The following MYL4 variants were observed in gnomAD, a reference collection of about 807,000 sequenced individuals.
The protein encoded by MYL4 is myosin light chain 4.
MYL4 carries 16 observed loss-of-function variants against 21.6 expected under a neutral mutation model. The observed-to-expected ratio is 0.74, with a 90% CI of 0.50 to 1.12. MYL4 has a LOEUF of 1.12. MYL4 is among the 50% of genes most tolerant of loss of function. The probability of loss-of-function intolerance (pLI) is 0.00; values close to 1 mark genes in which losing one functional copy is unlikely to be tolerated. For synonymous variants in MYL4, 82 were observed against 95.7 expected (o/e 0.86, Z 0.83); for missense variants, 249 against 252.9 (o/e 0.98, Z 0.11).
the MYL4 span, among the ~76,000 whole-genome samples, chr17:47,194,495 G>A: frequency 2.0e-5 from 3 of 152,160 alleles, no homozygotes; most frequent in South Asian, 4.1e-4. Context: ...ATGCCAAAGT[G>A]GCATATATCA....
chr17:47,225,257 A>G (rs999355740), downstream of MYL4, among the ~76,000 whole-genome samples: 3 of 152,212 alleles, frequency 2.0e-5, no homozygotes, highest in Admixed American at 6.5e-5. Context: ...GTCTATATAC[A>G]TGCCCTTTGT....
At chr17:47,217,675 C>T (rs202114020) in intron 2 of MYL4, among the ~76,000 whole-genome samples, 2 of 152,270 alleles carry the variant, frequency 1.3e-5, no homozygotes, top group East Asian at 3.9e-4. Context: ...TTTTTACATA[C>T]ATTATTGTAT....
chr17:47,224,664 T>G (rs990605987), downstream of MYL4, among the ~76,000 whole-genome samples: 8 of 152,188 alleles, frequency 5.3e-5, no homozygotes, highest in African/African-American at 1.9e-4. Flanking sequence ...CACAATGTCC[T>G]CGTGTTCCTT....
At chr17:47,222,213 T>C in intron 4 of MYL4, 167 bp from the exon 5 acceptor site, 1 of 683,510 alleles carries the variant, frequency 1.5e-6, no homozygotes, top group Non-Finnish European at 2.6e-6. Context: ...GCAAGACCTT[T>C]AGACCCTTGG....
chr17:47,201,467 CT>C (rs1297197774), intron 1 of MYL4, among the ~76,000 whole-genome samples: 5 of 132,976 alleles, frequency 3.8e-5, no homozygotes, highest in Non-Finnish European at 8.2e-5. Context: ...TTTTTTTTTT[CT>C]TTTTTGAGGC....
At chr17:47,192,387 C>G in the MYL4 span, among the ~76,000 whole-genome samples, 3 of 151,148 alleles carry the variant, frequency 2.0e-5, no homozygotes, top group African/African-American at 7.3e-5. Context: ...CGTTGGCTCA[C>G]GCCTGTAATC....
intron 1 of MYL4, among the ~76,000 whole-genome samples, chr17:47,213,195 C>A (rs1187876422): frequency 6.6e-6 from 1 of 152,174 alleles, no homozygotes; most frequent in Admixed American, 6.5e-5. Context: ...TTACAATAGG[C>A]AGTCCGTGTA....
chr17:47,193,601 G>C, the MYL4 span, among the ~76,000 whole-genome samples: 1 of 151,984 alleles, frequency 6.6e-6, no homozygotes, highest in Non-Finnish European at 1.5e-5. Context: ...TTCCTTTGCA[G>C]CTCCTCTGCC....
chr17:47,197,266 T>G (rs928753284), upstream of MYL4, among the ~76,000 whole-genome samples: 2 of 151,950 alleles, frequency 1.3e-5, no homozygotes, highest in African/African-American at 4.8e-5. Flanking sequence ...GCCTGGCTAA[T>G]TTTTTGTATT....
chr17:47,198,513 G>A (rs8065935), upstream of MYL4, among the ~76,000 whole-genome samples: 1,364 of 152,166 alleles, frequency 9.0e-3, 19 homozygotes, highest in African/African-American at 0.03. Context: ...TGGGTAAATT[G>A]CAGAGCAATG....
At chr17:47,206,285 G>C (rs1051065843), upstream of MYL4, among the ~76,000 whole-genome samples, 6 of 151,914 alleles carry the variant, frequency 3.9e-5, no homozygotes, top group African/African-American at 1.5e-4. Flanking sequence ...TTCCCATGCA[G>C]ACCTGATATT....
chr17:47,222,371 C>A lies in MYL4; in HGVS notation c.488-9C>A, dbSNP rs1180756106. 8.1e-6 allele frequency: 13 copies of A among 1,614,064 alleles called. No individual in the cohort carries two copies. The highest frequency in any genetic ancestry group is 1.1e-5 in the Non-Finnish European group (13 of 1,179,970). ...ATTAAGAGCGCACCACCTCCCAAAC[C>A]CACCGCAGGAGAGAAGATGACTGAG... On this transcript the variant is annotated splice_polypyrimidine_tract_variant and intron_variant, in intron 4 of 6. Transcript: ENST00000393450.
the MYL4 span, among the ~76,000 whole-genome samples, chr17:47,192,933 T>C: frequency 6.6e-6 from 1 of 152,174 alleles, no homozygotes; most frequent in African/African-American, 2.4e-5. Flanking sequence ...TTATTTTTTC[T>C]CCTAAGCCTG....
At position 47,222,245 on chromosome 17, in the gene MYL4, G is replaced by A. The variant is rs528402877; in HGVS notation, c.488-135G>A. 706 of 854,798 alleles carry A rather than the reference G, an allele frequency of 8.3e-4. 9 individuals are homozygous for A. In the South Asian group the frequency reaches 9.8e-3, roughly 12 times the overall value. 53.0% of individuals were successfully genotyped at this position (854,798 alleles called of 1,614,324 possible). On this transcript the variant is annotated intron_variant, in intron 4 of 6. Coordinates refer to ENST00000393450, the MANE Select transcript of MYL4 (RefSeq NM_002476.2). ...TTGGCCGCACCCTTCAGAACCTCTG[G>A]GAGAGGCTTGGTTTGAACCACCTCC...
At chr17:47,197,841 A>T (rs1468752742), upstream of MYL4, among the ~76,000 whole-genome samples, 1 of 152,188 alleles carries the variant, frequency 6.6e-6, no homozygotes, top group Admixed American at 6.5e-5. Flanking sequence ...TTGTCAACTG[A>T]TGGTGGGGAG....
chr17:47,199,320 C>T (rs1264893857), upstream of MYL4, among the ~76,000 whole-genome samples: 1 of 143,482 alleles, frequency 7.0e-6, no homozygotes, highest in Non-Finnish European at 1.5e-5. Flanking sequence ...AAAAAAACCC[C>T]AGAAAAACAA....
At chr17:47,209,764 A>C in intron 1 of MYL4, 1 of 715,922 alleles carries the variant, frequency 1.4e-6, no homozygotes, top group Non-Finnish European at 2.3e-6. Flanking sequence ...GTCAAGAATG[A>C]GGTGCTGCTT....
rs529410633 is a variant in MYL4, at chr17:47,203,268, T to C, written c.-35+2682T>C. Among the ~76,000 whole-genome samples the C allele has an allele frequency of 2.6e-5, 4 of 152,300 alleles. No individual in the cohort carries two copies. The East Asian group carries it at 7.7e-4, about 29-fold the overall frequency. On this transcript the variant is annotated intron_variant and NMD_transcript_variant, in intron 1 of 6. Coordinates refer to the MYL4 transcript ENST00000571981. ...GACTTCTATCTTTCATATCCCTTTT[T>C]TTAAATTGTCAATTAAATGTAAACG...
At chr17:47,211,871 G>C (rs1471624069) in intron 1 of MYL4, among the ~76,000 whole-genome samples, 3 of 152,084 alleles carry the variant, frequency 2.0e-5, no homozygotes, top group Non-Finnish European at 4.4e-5. Context: ...GGGATGGGAT[G>C]GGATGGGGTG....
Sources: gnomAD v4.1 joint callset for allele counts (sites outside exome capture counted in the v4.1 genomes callset) on GRCh38, gnomAD v4.1.1 for gene constraint, MANE v1.5 for transcripts, NCBI Gene and HGNC (gene_info 2026-07-23, HGNC 2026-07-21) for gene names.